Variants in BCKDHB observed in about 807,000 individuals in gnomAD.
The protein encoded by BCKDHB is 2-oxoisovalerate dehydrogenase subunit beta, mitochondrial.
BCKDHB carries 41 observed loss-of-function variants against 48.5 expected under a neutral mutation model. The ratio of observed to expected loss-of-function variants is 0.85; its 90% CI spans 0.66 to 1.10. The LOEUF is 1.10. BCKDHB is among the 50% of genes least tolerant of loss of function. The probability of loss-of-function intolerance (pLI) is 0.00; values close to 1 mark genes in which losing one functional copy is unlikely to be tolerated. For missense variants in BCKDHB, 496 were observed against 494.2 expected, an observed-to-expected ratio of 1.00 and a Z score of -0.03; for synonymous variants, 201 against 174.8, an observed-to-expected ratio of 1.15 and a Z score of -1.18.
intron 9 of BCKDHB, among the ~76,000 whole-genome samples, chr6:80,341,502 G>A (rs925240086): frequency 2.0e-5 from 3 of 152,114 alleles, no homozygotes; most frequent in Admixed American, 6.5e-5. Context: ...TTCTATGCTC[G>A]TGCAGACATA....
rs558309698 is a variant in BCKDHB at position 80,264,187 on chromosome 6, T to C, written c.952-8948T>C. On this transcript the variant is annotated intron_variant, in intron 8 of 9. Coordinates refer to ENST00000320393, the MANE Select transcript of BCKDHB (RefSeq NM_183050.4). ...CTTGGGTATGCTTTGCCCTAGGGCA[T>C]TGTGGCAACATATATAGTACAACCC... Among the ~76,000 whole-genome samples the C allele has an allele frequency of 2.0e-5, 3 of 152,324 alleles. No homozygotes were observed. The East Asian group carries it at 5.8e-4, about 29-fold the overall frequency.
At chr6:80,160,131 A>G (rs568004519) in intron 3 of BCKDHB, among the ~76,000 whole-genome samples, 2 of 152,312 alleles carry the variant, frequency 1.3e-5, no homozygotes, top group South Asian at 2.1e-4. Flanking sequence ...TTAACCTATC[A>G]GGAGGTAATA....
intron 8 of BCKDHB, among the ~76,000 whole-genome samples, chr6:80,217,753 A>G (rs926934850): frequency 6.6e-6 from 1 of 152,232 alleles, no homozygotes; most frequent in African/African-American, 2.4e-5. Flanking sequence ...ACATTTCTGC[A>G]GAGTAAATTG....
At chr6:80,443,175 A>G in the BCKDHB span, among the ~76,000 whole-genome samples, 2 of 152,130 alleles carry the variant, frequency 1.3e-5, no homozygotes, top group East Asian at 3.9e-4. Flanking sequence ...AAAGACACCA[A>G]CATCCATTGC....
At chr6:80,452,095 C>A in the BCKDHB span, among the ~76,000 whole-genome samples, 1 of 152,102 alleles carries the variant, frequency 6.6e-6, no homozygotes, top group Non-Finnish European at 1.5e-5. Context: ...GGAGTGGTCA[C>A]AATATGGTAC....
intron 8 of BCKDHB, among the ~76,000 whole-genome samples, chr6:80,243,169 C>T (rs1056177242): frequency 6.6e-6 from 1 of 152,160 alleles, no homozygotes; most frequent in Non-Finnish European, 1.5e-5. Context: ...GGAGTACCAC[C>T]TGGTACTGAG....
At position 80,344,087 on chromosome 6, in the gene BCKDHB, C is replaced by T. The variant is rs1770062293; in HGVS notation, c.*283C>T. 4.7e-6 allele frequency: 2 copies of T among 423,850 alleles called. No homozygotes were observed. The highest frequency in any genetic ancestry group is 8.8e-6 in the Non-Finnish European group (2 of 228,062). 26.3% of individuals were successfully genotyped at this position (423,850 alleles called of 1,614,324 possible). A position where few individuals can be genotyped will look rare whatever the true frequency, so the allele number is the denominator to read the frequency against. ...GCAATCTCAGCTCACTGCAACCTCC[C>T]CCCTACCCCTGAGTTCAAGCGATTC... is the stretch of plus-strand genomic sequence containing the variant. On this transcript the variant is annotated 3_prime_UTR_variant, in exon 10 of 10. Coordinates refer to ENST00000320393, the MANE Select transcript of BCKDHB (RefSeq NM_183050.4).
chr6:80,206,730 C>T (rs896713744), intron 8 of BCKDHB, among the ~76,000 whole-genome samples: 3 of 151,754 alleles, frequency 2.0e-5, no homozygotes, highest in African/African-American at 7.3e-5. Flanking sequence ...AATTGAAGCA[C>T]AAGTCAGAAA....
At chr6:80,322,938 G>A (rs1255717357) in intron 9 of BCKDHB, among the ~76,000 whole-genome samples, 1 of 143,818 alleles carries the variant, frequency 7.0e-6, no homozygotes, top group Non-Finnish European at 1.5e-5. Flanking sequence ...ATGCCTGTGG[G>A]TTTAAAAATT....
chr6:80,425,786 T>C, the BCKDHB span, among the ~76,000 whole-genome samples: 4 of 152,176 alleles, frequency 2.6e-5, no homozygotes, highest in Admixed American at 6.6e-5. Context: ...GATAATGTTG[T>C]GAAATGAAAA....
chr6:80,430,092 C>G, the BCKDHB span, among the ~76,000 whole-genome samples: 3 of 152,160 alleles, frequency 2.0e-5, no homozygotes, highest in Non-Finnish European at 4.4e-5. Context: ...TGAATTTTGT[C>G]AAAGGCCTTT....
At chr6:80,159,618 T>G (rs1772217672) in intron 3 of BCKDHB, among the ~76,000 whole-genome samples, 6 of 152,170 alleles carry the variant, frequency 3.9e-5, no homozygotes, top group Admixed American at 3.3e-4. Context: ...AACAAATGCG[T>G]TTTATCTTTA....
At chr6:80,136,911 A>G (rs772866855) in intron 3 of BCKDHB, among the ~76,000 whole-genome samples, 1 of 152,182 alleles carries the variant, frequency 6.6e-6, no homozygotes, top group Non-Finnish European at 1.5e-5. Flanking sequence ...ATCCCAGTGG[A>G]ATACCACTTC....
chr6:80,139,002 C>G lies in BCKDHB; in HGVS notation c.343+9773C>G, dbSNP rs1206642455. On this transcript the variant is annotated intron_variant, in intron 3 of 9. Coordinates refer to ENST00000320393, the MANE Select transcript of BCKDHB (RefSeq NM_183050.4). Reference sequence around the variant, plus strand: ...TTTTTAATGATTGCCATTCTAACTGCTGTGAGATGATATCTCATTGTGGTT... The same window carrying G: ...TTTTTAATGATTGCCATTCTAACTGGTGTGAGATGATATCTCATTGTGGTT... 1.5e-3 allele frequency among the ~76,000 whole-genome samples: 230 copies of G among 152,136 alleles called. 1 individual carries two copies. Among genetic ancestry groups the G allele is most frequent in the African/African-American group, 5.0e-3 (208 of 41,470 alleles).
chr6:80,322,252 T>TC (rs200363548), intron 9 of BCKDHB, among the ~76,000 whole-genome samples: 1,522 of 123,056 alleles, frequency 0.012, 52 homozygotes, highest in Admixed American at 0.072. Flanking sequence ...TTTTTTTTTT[T>TC]TTTGGTGACG....
At chr6:80,294,499 T>G (rs1307281228) in intron 9 of BCKDHB, among the ~76,000 whole-genome samples, 2 of 152,208 alleles carry the variant, frequency 1.3e-5, no homozygotes, top group African/African-American at 4.8e-5. Flanking sequence ...TTTTTCTTCT[T>G]GCAGAGAGCC....
At chr6:80,363,485 G>C in the BCKDHB span, among the ~76,000 whole-genome samples, 1 of 152,140 alleles carries the variant, frequency 6.6e-6, no homozygotes, top group East Asian at 1.9e-4. Flanking sequence ...AATCCTATGA[G>C]TCTTTGGGTG....
At chr6:80,404,486 G>A in the BCKDHB span, among the ~76,000 whole-genome samples, 2 of 150,950 alleles carry the variant, frequency 1.3e-5, no homozygotes, top group Non-Finnish European at 3.0e-5. Flanking sequence ...CTAAGAATTT[G>A]TCTATTTTGC....
the BCKDHB span, among the ~76,000 whole-genome samples, chr6:80,439,833 T>C: frequency 2.6e-5 from 4 of 152,220 alleles, no homozygotes; most frequent in African/African-American, 9.6e-5. Context: ...AAGTCTGTAC[T>C]AGAAGACATG....
Sources: gnomAD v4.1 joint callset for allele counts (sites outside exome capture counted in the v4.1 genomes callset) on GRCh38, gnomAD v4.1.1 for gene constraint, MANE v1.5 for transcripts, NCBI Gene and HGNC (gene_info 2026-07-23, HGNC 2026-07-21) for gene names.